Variants in TOP2B observed in about 807,000 individuals in gnomAD.
The protein encoded by TOP2B is DNA topoisomerase 2-beta.
In TOP2B, 51 loss-of-function variants were observed where a neutral mutation model predicts 193.5. The ratio of observed to expected loss-of-function variants is 0.26; its 90% confidence interval spans 0.21 to 0.33. The LOEUF is 0.33. Among genes scored for constraint, TOP2B ranks in the 10% least tolerant of loss-of-function variants. TOP2B has a pLI of 1.00. For missense variants in TOP2B, 1,378 were observed against 1,909.3 expected (o/e 0.72, Z 5.19); for synonymous variants, 634 against 635.7 (o/e 1.00, Z 0.04).
chr3:25,603,161 A>C (rs1453385648), intron 33 of TOP2B, among the ~76,000 whole-genome samples: 1 of 152,190 alleles, frequency 6.6e-6, no homozygotes, highest in African/African-American at 2.4e-5. Context: ...TGTTTCAGGA[A>C]GTAATACGGC....
intron 33 of TOP2B, among the ~76,000 whole-genome samples, chr3:25,603,513 G>T (rs993492756): frequency 6.6e-6 from 1 of 152,134 alleles, no homozygotes; most frequent in Non-Finnish European, 1.5e-5. Flanking sequence ...AGAGTTCTGG[G>T]ATTACAGGTG....
At chr3:25,630,664 T>C in intron 11 of TOP2B, 137 bp downstream of exon 11, 1 of 904,600 alleles carries the variant, frequency 1.1e-6, no homozygotes, top group South Asian at 2.3e-5. Flanking sequence ...ATGTTGTGTA[T>C]GTGATAATTT....
intron 4 of TOP2B, among the ~76,000 whole-genome samples, chr3:25,642,099 T>C (rs1256291934): frequency 1.3e-5 from 2 of 152,062 alleles, no homozygotes; most frequent in African/African-American, 4.8e-5. Context: ...TGAAATAGCA[T>C]ACACAGCATC....
intron 2 of TOP2B, among the ~76,000 whole-genome samples, 185 bp from the exon 3 acceptor site, chr3:25,643,969 T>C (rs112286804): frequency 2.6e-5 from 4 of 152,198 alleles, no homozygotes; most frequent in African/African-American, 9.6e-5. Context: ...AATTGAGAAA[T>C]TGTTCATTTT....
intron 28 of TOP2B, among the ~76,000 whole-genome samples, chr3:25,611,186 T>C (rs1440963794): frequency 1.3e-5 from 2 of 152,150 alleles, no homozygotes; most frequent in African/African-American, 4.8e-5. Context: ...TGGGCATAGA[T>C]AAGGTTACTT....
At chr3:25,657,178 A>G (rs538159668) in intron 1 of TOP2B, among the ~76,000 whole-genome samples, 1 of 152,324 alleles carries the variant, frequency 6.6e-6, no homozygotes, top group East Asian at 1.9e-4. Flanking sequence ...TTTGTAACAG[A>G]AACCTGAAAT....
chr3:25,605,905 G>A (rs969934700), intron 32 of TOP2B, 138 bp downstream of exon 32: 10 of 469,424 alleles, frequency 2.1e-5, no homozygotes, highest in Middle Eastern at 5.4e-4. Context: ...TTATTATCTT[G>A]AGCAAAATAT....
At chr3:25,659,571 G>C (rs1378958123) in intron 1 of TOP2B, among the ~76,000 whole-genome samples, 1 of 152,134 alleles carries the variant, frequency 6.6e-6, no homozygotes, top group Non-Finnish European at 1.5e-5. Flanking sequence ...CTAAGGTTGG[G>C]ATAAGTGTTT....
At position 25,623,707 on chromosome 3, in the gene TOP2B, G is replaced by A; in HGVS notation, c.2535C>T (p.Asn845=). Residue 845 remains asparagine, a synonymous_variant, in exon 21 of 36, where the codon AAC becomes AAT. Transcript: ENST00000264331. ...ARLLFPAVDD[N]LLKFLYDDNQ... is the part of the protein sequence containing the mutation. ...TATCATCATAAAGGAACTTAAGGAGGTTGTCATCCACAGCAGGAAAAAGTA... is the reference window on the plus strand; with the variant it reads ...TATCATCATAAAGGAACTTAAGGAGATTGTCATCCACAGCAGGAAAAAGTA... 1 of 1,613,628 alleles carries A rather than the reference G, an allele frequency of 6.2e-7. No individual in the cohort carries two copies. Among genetic ancestry groups the A allele is most frequent in the South Asian group, 1.1e-5 (1 of 91,060 alleles).
intron 2 of TOP2B, among the ~76,000 whole-genome samples, chr3:25,644,890 G>A (rs1336310308): frequency 1.3e-5 from 2 of 151,724 alleles, no homozygotes; most frequent in Non-Finnish European, 2.9e-5. Flanking sequence ...CGCCTCCCAG[G>A]TTCACTGTCA....
rs535773886 is a variant in TOP2B, at chr3:25,629,199, A to G, written c.1690-54T>C. The G allele has an allele frequency of 3.2e-6, 4 of 1,256,738 alleles. No homozygotes were observed. In the African/African-American group the frequency reaches 4.6e-5, roughly 15 times the overall value. The allele number at this position is 1,256,738 out of a possible 1,614,324, so 77.8% of individuals were successfully genotyped here. The stretch of plus-strand genomic sequence containing the variant: ...GTTGTAATACTTTTATAAAATGATT[A>G]CTTATATAAACAAATTTTAAAACGT... On this transcript the variant is annotated intron_variant, in intron 13 of 35. Transcript: ENST00000264331.
At chr3:25,626,743 T>A in intron 17 of TOP2B, 29 bp downstream of exon 17, 1 of 1,565,796 alleles carries the variant, frequency 6.4e-7, no homozygotes, top group Non-Finnish European at 8.7e-7. Context: ...TCTCCTTCTT[T>A]CCCCAGGTCA....
intron 1 of TOP2B, among the ~76,000 whole-genome samples, chr3:25,649,470 C>T (rs184738027): frequency 6.6e-6 from 1 of 151,896 alleles, no homozygotes; most frequent in Non-Finnish European, 1.5e-5. Flanking sequence ...AAGTCATAGA[C>T]AAAGAGAGAA....
chr3:25,638,030 T>G, intron 5 of TOP2B, 135 bp downstream of exon 5: 1 of 872,766 alleles, frequency 1.1e-6, no homozygotes, highest in South Asian at 1.8e-5. Flanking sequence ...AAGACAATAT[T>G]TATACATGAT....
intron 34 of TOP2B, among the ~76,000 whole-genome samples, chr3:25,600,729 G>T (rs531722001): frequency 6.6e-6 from 1 of 152,324 alleles, no homozygotes; most frequent in South Asian, 2.1e-4. Flanking sequence ...GAGAAAAAAA[G>T]TTCTAGCCTA....
At chr3:25,648,782 AG>A (rs1395986878) in intron 1 of TOP2B, among the ~76,000 whole-genome samples, 1 of 152,228 alleles carries the variant, frequency 6.6e-6, no homozygotes, top group African/African-American at 2.4e-5. Flanking sequence ...GGATTGCCTG[AG>A]CCCAGAAGGT....
intron 4 of TOP2B, among the ~76,000 whole-genome samples, chr3:25,640,301 G>C (rs1703220445): frequency 6.6e-6 from 1 of 152,058 alleles, no homozygotes; most frequent in Non-Finnish European, 1.5e-5. Flanking sequence ...AATTTTAGGA[G>C]TATATGAAAT....
intron 27 of TOP2B, among the ~76,000 whole-genome samples, 173 bp downstream of exon 27, chr3:25,615,032 C>T (rs1325790045): frequency 6.6e-6 from 1 of 151,912 alleles, no homozygotes; most frequent in Non-Finnish European, 1.5e-5. Flanking sequence ...TTAAATTCCT[C>T]CATACAAGAA....
chr3:25,619,568 A>G (rs1031898572), intron 23 of TOP2B, among the ~76,000 whole-genome samples: 2 of 152,110 alleles, frequency 1.3e-5, no homozygotes, highest in Admixed American at 1.3e-4. Context: ...TAAAGTACAC[A>G]AAGGCCCTGC....
Sources: allele counts gnomAD v4.1 joint callset (sites outside exome capture counted in the v4.1 genomes callset), GRCh38; gene constraint gnomAD v4.1.1; transcripts MANE v1.5; gene names NCBI Gene and HGNC (gene_info 2026-07-23, HGNC 2026-07-21).